ABR: variants seen among roughly 807,000 people sequenced by gnomAD.
ABR encodes ABR activator of RhoGEF and GTPase.
In ABR, 35 loss-of-function variants were observed where a neutral mutation model predicts 107.2. The ratio of observed to expected loss-of-function variants is 0.33; its 90% CI spans 0.25 to 0.43. The LOEUF is 0.43. ABR is among the 20% of genes least tolerant of loss of function. ABR has a pLI of 1.00. For synonymous variants in ABR, 498 were observed against 462.0 expected (o/e 1.08, Z -1.00); for missense variants, 815 against 1,115.2 (o/e 0.73, Z 3.83).
upstream of ABR, among the ~76,000 whole-genome samples, chr17:1,191,161 C>T (rs1375406015): frequency 6.6e-6 from 1 of 152,054 alleles, no homozygotes; most frequent in Admixed American, 6.6e-5. Flanking sequence ...AAGAAATAAA[C>T]AAAACAACCA....
rs1371351088 is a variant in ABR at position 1,037,397 on chromosome 17, C to T, written c.1791+12653G>A. ...GTCAGGCTGGTGTCGCCAGGGTGCT[C>T]GGTGGTTCTAGGTACGGAGGAGAGG... On this transcript the variant is annotated intron_variant, in intron 16 of 22. Coordinates refer to ENST00000302538, the MANE Select transcript of ABR (RefSeq NM_021962.5). This position sits in a 1 kb window ranked among gnomAD's most constrained non-coding sequence, Gnocchi z 4.6. 3.9e-5 allele frequency among the ~76,000 whole-genome samples: 6 copies of T among 152,270 alleles called. No individual in the cohort carries two copies. The highest frequency in any genetic ancestry group is 9.6e-5 in the African/African-American group (4 of 41,552).
In ABR at chr17:1,013,099, G is replaced by C; in HGVS notation, c.1851+6C>G. The C allele has an allele frequency of 6.2e-7, 1 of 1,613,962 alleles. No homozygotes were observed. The stretch of plus-strand genomic sequence containing the variant: ...ACGCCACTGATCATTCCCATCCCCG[G>C]CTCACCCCGTTCATCTCAATCACGT... On this transcript the variant is annotated splice_donor_region_variant and intron_variant, in intron 17 of 22. Coordinates refer to ENST00000302538, the MANE Select transcript of ABR (RefSeq NM_021962.5).
At chr17:1,059,739 T>C (rs772155638) in intron 10 of ABR, among the ~76,000 whole-genome samples, 3 of 152,240 alleles carry the variant, frequency 2.0e-5, no homozygotes, top group Non-Finnish European at 4.4e-5. Context: ...ATGCTTCAAG[T>C]CTCAGCTCCC....
At chr17:1,009,000 G>C (rs1418376350) in intron 21 of ABR, among the ~76,000 whole-genome samples, 2 of 152,184 alleles carry the variant, frequency 1.3e-5, no homozygotes, top group African/African-American at 2.4e-5. Flanking sequence ...CTGGTGTGGG[G>C]ACTCAGTTTC....
intron 10 of ABR, among the ~76,000 whole-genome samples, chr17:1,066,132 G>C (rs182801689): frequency 1.3e-5 from 2 of 152,256 alleles, no homozygotes; most frequent in Admixed American, 1.3e-4. Context: ...ACCATCCTCA[G>C]CCTCCCAAAG....
intron 16 of ABR, among the ~76,000 whole-genome samples, chr17:1,032,520 G>C (rs954424367): frequency 7.5e-6 from 1 of 132,620 alleles, no homozygotes; most frequent in African/African-American, 2.8e-5. Flanking sequence ...CACCAAAAAA[G>C]GTTTCCGCTG....
intron 2 of ABR, among the ~76,000 whole-genome samples, chr17:1,124,775 G>A (rs1233128935): frequency 6.6e-6 from 1 of 152,218 alleles, no homozygotes; most frequent in East Asian, 1.9e-4. Flanking sequence ...GGCTGGCTTT[G>A]CGGGAGCAGC....
rs1312322759 is a variant in ABR, at chr17:1,050,181, C to T, written c.1660G>A (p.Glu554Lys). The T allele has an allele frequency of 6.2e-7, 1 of 1,611,764 alleles. No homozygotes were observed. Among genetic ancestry groups the T allele is most frequent in the Non-Finnish European group, 8.5e-7 (1 of 1,179,406 alleles). Reference sequence around the variant, plus strand: ...GAGCCCTCCAGCTCGATCTCAAACTCCTGGGGAAAGATGGGACAAAGGGCC... The same window carrying T: ...GAGCCCTCCAGCTCGATCTCAAACTTCTGGGGAAAGATGGGACAAAGGGCC... ...RDTAEPKWDE[E>K]FEIELEGSQS... is the part of the protein sequence containing the mutation. The change falls in exon 16 of 23, where the codon GAG becomes AAG. Residue 554 changes from glutamate to lysine, a missense_variant and splice_region_variant. Glu to Lys is a moderately conservative substitution (Grantham distance 56). This residue lies in a region of ABR where 385 missense variants were observed against 596.9 expected (regional missense o/e 0.64). Transcript: ENST00000302538. The surrounding 1 kb of genome is among the most constrained non-coding windows in gnomAD (Gnocchi z 4.6).
intron 11 of ABR, 54 bp downstream of exon 11, chr17:1,058,691 G>C: frequency 1.9e-6 from 3 of 1,592,628 alleles, no homozygotes; most frequent in Non-Finnish European, 2.6e-6. Context: ...CACAGAGTGG[G>C]CTGCTCTGGA....
chr17:1,036,625 G>A (rs2073197841), intron 16 of ABR, among the ~76,000 whole-genome samples: 1 of 151,948 alleles, frequency 6.6e-6, no homozygotes, highest in African/African-American at 2.4e-5. Context: ...CCGAGCATGG[G>A]AGCCCGGGGT....
At chr17:1,196,846 C>T (rs2042579431) in intron 1 of ABR, among the ~76,000 whole-genome samples, 1 of 152,064 alleles carries the variant, frequency 6.6e-6, no homozygotes. Context: ...AGGCGCCCAC[C>T]ACCGTGCCCG....
At chr17:1,196,150 C>G (rs530443377) in intron 1 of ABR, among the ~76,000 whole-genome samples, 25 of 139,180 alleles carry the variant, frequency 1.8e-4, no homozygotes, top group Admixed American at 2.2e-4. Context: ...AAAAAATAGG[C>G]AAGGTGCGGT....
At position 1,210,138 on chromosome 17, in the gene ABR, G is replaced by T. The variant is rs1255109502; in HGVS notation, c.838+18655C>A. 1.3e-5 allele frequency among the ~76,000 whole-genome samples: 2 copies of T among 152,238 alleles called. No homozygotes were observed. The highest frequency in any genetic ancestry group is 2.4e-5 in the African/African-American group (1 of 41,464). On this transcript the variant is annotated intron_variant, in intron 1 of 22. Coordinates refer to the ABR transcript ENST00000574139. The surrounding 1 kb of genome is among the most constrained non-coding windows in gnomAD (Gnocchi z 5.6). The stretch of plus-strand genomic sequence containing the variant: ...GACAGGGAGAAAGTAGAGGTAGAAA[G>T]TAACAGAATCTAGAGAGGCGGAAGC...
At chr17:1,056,001 G>C (rs770260297) in intron 14 of ABR, 34 bp downstream of exon 14, 9 of 1,594,186 alleles carry the variant, frequency 5.6e-6, no homozygotes, top group Non-Finnish European at 7.7e-6. Flanking sequence ...ATCCACAATG[G>C]CCCACCCAAC....
At chr17:1,153,276 G>T (rs1161430032) in intron 1 of ABR, among the ~76,000 whole-genome samples, 3 of 151,130 alleles carry the variant, frequency 2.0e-5, no homozygotes, top group South Asian at 4.2e-4. Flanking sequence ...GCCTGGCGTG[G>T]CCCCCTGTGT....
chr17:1,049,566 TAAC>T (rs925035716), intron 16 of ABR, among the ~76,000 whole-genome samples: 2 of 152,044 alleles, frequency 1.3e-5, no homozygotes, highest in East Asian at 1.9e-4. Flanking sequence ...CCGGCCACCC[TAAC>T]AACAAGTCAG....
chr17:1,073,801 G>C, intron 6 of ABR, 124 bp from the exon 7 acceptor site: 1 of 817,196 alleles, frequency 1.2e-6, no homozygotes, highest in South Asian at 2.1e-5. Flanking sequence ...AGGGACACCA[G>C]AGTGAGCCCA....
chr17:1,128,482 T>C (rs541288869), intron 1 of ABR, among the ~76,000 whole-genome samples: 21 of 152,360 alleles, frequency 1.4e-4, no homozygotes, highest in Admixed American at 1.2e-3. Context: ...AAAGACACCT[T>C]TCCTGATGGT....
At position 1,057,791 on chromosome 17, in the gene ABR, A is replaced by G; in HGVS notation, c.1381+179T>C. 5.1e-6 allele frequency: 3 copies of G among 591,180 alleles called. No individual in the cohort carries two copies. In the South Asian group the frequency reaches 5.8e-5, roughly 11 times the overall value. The allele number at this position is 591,180 out of a possible 1,614,324, so 36.6% of individuals were successfully genotyped here. On this transcript the variant is annotated intron_variant, in intron 12 of 22. Transcript: ENST00000302538. ...ACTAAATCATCATGTCTTTCAGCCA[A>G]TCAGTTAGATTCTTTGGGTCTCAAT... is the stretch of plus-strand genomic sequence containing the variant.
Sources: allele counts gnomAD v4.1 joint callset (sites outside exome capture counted in the v4.1 genomes callset), GRCh38; gene constraint gnomAD v4.1.1; regional missense constraint gnomAD v4.1.1; non-coding constraint Gnocchi (gnomAD v3.1); transcripts MANE v1.5; gene names NCBI Gene and HGNC (gene_info 2026-07-23, HGNC 2026-07-21).